MKNK1: variants seen among roughly 807,000 people sequenced by gnomAD.
The protein encoded by MKNK1 is MAPK interacting serine/threonine kinase 1, also known as MAP kinase-interacting serine/threonine-protein kinase 1.
Under a neutral mutation model 49.3 loss-of-function variants are expected in MKNK1, and 30 were observed. The ratio of observed to expected loss-of-function variants is 0.61; its 90% CI spans 0.46 to 0.83. The LOEUF (loss-of-function observed/expected upper bound fraction) is 0.83, where lower values mean the gene tolerates loss of function less well. MKNK1 is among the 40% of genes least tolerant of loss of function. The pLI is 0.00. For missense variants in MKNK1, 423 were observed against 524.7 expected (o/e 0.81, Z 1.89); for synonymous variants, 176 against 201.7 (o/e 0.87, Z 1.08).
At chr1:46,571,712 G>A (rs1275755749) in intron 7 of MKNK1, among the ~76,000 whole-genome samples, 1 of 152,150 alleles carries the variant, frequency 6.6e-6, no homozygotes, top group African/African-American at 2.4e-5. Context: ...GTTGTATTGT[G>A]TATGAGCTTT....
intron 6 of MKNK1, 102 bp downstream of exon 6, chr1:46,574,845 T>G (rs773985665): frequency 3.8e-6 from 3 of 781,394 alleles, no homozygotes; most frequent in Admixed American, 2.9e-5. Context: ...CTTCATCCTT[T>G]TTATTAGCTT....
chr1:46,568,734 G>C, intron 7 of MKNK1: 2 of 535,270 alleles, frequency 3.7e-6, no homozygotes, highest in Non-Finnish European at 6.7e-6. Flanking sequence ...GGATAAGAAG[G>C]GCTAAATGAA....
Position 46,572,075 on chromosome 1 carries a change from G to A in MKNK1, c.445C>T (p.Leu149=). ...VRDVAAALDF[L]HTKGIAHRDL... Reference sequence around the variant, plus strand: ...AGGCTGGGTTCACCTTTGGTATGCAGGAAGTCAAGGGCAGCAGCAACGTCC... The same window carrying A: ...AGGCTGGGTTCACCTTTGGTATGCAAGAAGTCAAGGGCAGCAGCAACGTCC... The change falls in exon 7 of 13, where the codon CTG becomes TTG. Residue 149 remains leucine, a synonymous_variant. Coordinates refer to ENST00000371945, the MANE Select transcript of MKNK1 (RefSeq NM_001135553.4). The A allele has an allele frequency of 6.2e-7, 1 of 1,614,082 alleles. No individual in the cohort carries two copies. Among genetic ancestry groups the A allele is most frequent in the South Asian group, 1.1e-5 (1 of 91,086 alleles).
At chr1:46,560,178 C>T in intron 12 of MKNK1, 56 bp downstream of exon 12, 1 of 1,599,906 alleles carries the variant, frequency 6.3e-7, no homozygotes, top group East Asian at 2.2e-5. Context: ...CCCCCACCCC[C>T]ATGGTGGCTG....
intron 10 of MKNK1, among the ~76,000 whole-genome samples, chr1:46,561,918 C>A (rs1668050664): frequency 6.6e-6 from 1 of 152,172 alleles, no homozygotes; most frequent in Admixed American, 6.5e-5. Flanking sequence ...GCCCAAATTC[C>A]TTGGCTCTTC....
At chr1:46,596,840 A>C (rs778274124) in intron 1 of MKNK1, among the ~76,000 whole-genome samples, 3 of 152,214 alleles carry the variant, frequency 2.0e-5, no homozygotes, top group Non-Finnish European at 4.4e-5. Context: ...CAATCTGTGA[A>C]CCACAGTTGG....
intron 11 of MKNK1, among the ~76,000 whole-genome samples, chr1:46,561,059 T>G (rs961167455): frequency 6.6e-6 from 1 of 152,212 alleles, no homozygotes; most frequent in Non-Finnish European, 1.5e-5. Flanking sequence ...GTACCCAGAC[T>G]CCCAGACCAT....
At chr1:46,568,309 A>G (rs1669453766) in intron 8 of MKNK1, 134 bp downstream of exon 8, 1 of 770,052 alleles carries the variant, frequency 1.3e-6, no homozygotes, top group African/African-American at 1.7e-5. Flanking sequence ...TAAGTGTAAC[A>G]TTCTCACATG....
chr1:46,564,470 T>TTTG (rs1668675640), intron 9 of MKNK1, among the ~76,000 whole-genome samples: 1 of 28,314 alleles, frequency 3.5e-5, no homozygotes, highest in Non-Finnish European at 1.8e-4. Context: ...TTTATTGTTT[T>TTTG]TTTTTTTTTT....
chr1:46,592,804 T>A (rs1673519640), intron 2 of MKNK1, among the ~76,000 whole-genome samples: 1 of 152,162 alleles, frequency 6.6e-6, no homozygotes, highest in Non-Finnish European at 1.5e-5. Context: ...CCCCACTGCC[T>A]AGCATGCAGC....
Position 46,561,554 on chromosome 1 carries a change from A to G in MKNK1, c.893T>C (p.Ile298Thr), listed in dbSNP as rs1431491555. The change falls in exon 11 of 13, where the codon ATC (isoleucine) becomes ACC (threonine). Residue 298 changes from isoleucine to threonine, a missense_variant. By Grantham distance (89) the Ile-to-Thr change is moderately conservative. Coordinates refer to ENST00000371945, the MANE Select transcript of MKNK1 (RefSeq NM_001135553.4). ...AHISSEAKDL[I>T]SKLLVRDAKQ... ...TGCATCTCGCACCAGGAGCTTGGAG[A>G]TGAGGTCTTTGGCTTCACTGGAGAT... 50 of 1,614,000 alleles carry G rather than the reference A, an allele frequency of 3.1e-5. No individual in the cohort carries two copies. In the Admixed American group the frequency reaches 8.3e-4, roughly 27 times the overall value.
chr1:46,597,395 G>A (rs554168525), intron 1 of MKNK1, among the ~76,000 whole-genome samples: 5 of 151,980 alleles, frequency 3.3e-5, no homozygotes, highest in Admixed American at 3.3e-4. Flanking sequence ...GTAAGGCTAA[G>A]GTTTATGGCA....
intron 8 of MKNK1, 77 bp from the exon 9 acceptor site, chr1:46,565,213 G>C: frequency 1.5e-6 from 2 of 1,329,022 alleles, no homozygotes; most frequent in Non-Finnish European, 2.2e-6. Context: ...GGCTGTACGG[G>C]TGCATGGCTC....
chr1:46,572,076 G>C lies in MKNK1; in HGVS notation c.444C>G (p.Phe148Leu). 6.2e-7 allele frequency: 1 copy of C among 1,614,082 alleles called. No individual in the cohort carries two copies. The highest frequency in any genetic ancestry group is 8.5e-7 in the Non-Finnish European group (1 of 1,179,956). The change falls in exon 7 of 13, where the codon TTC becomes TTG. Residue 148 changes from phenylalanine to leucine, a missense_variant. Physicochemically the swap from Phe to Leu is conservative, Grantham distance 22. Coordinates refer to ENST00000371945, the MANE Select transcript of MKNK1 (RefSeq NM_001135553.4). ...VVRDVAAALD[F>L]LHTKGIAHRD... ...GGCTGGGTTCACCTTTGGTATGCAG[G>C]AAGTCAAGGGCAGCAGCAACGTCCC...
chr1:46,588,679 C>A (rs1672920266), intron 2 of MKNK1, among the ~76,000 whole-genome samples: 1 of 151,938 alleles, frequency 6.6e-6, no homozygotes, highest in Non-Finnish European at 1.5e-5. Flanking sequence ...AGGTGGCGGG[C>A]GCCTGTAGTC....
chr1:46,598,890 C>T (rs2148775649), intron 1 of MKNK1, among the ~76,000 whole-genome samples: 1 of 152,304 alleles, frequency 6.6e-6, no homozygotes, highest in African/African-American at 2.4e-5. Context: ...CAAGCCAGGA[C>T]ATTAGCAAGA....
At chr1:46,569,707 C>A (rs1215640706) in intron 7 of MKNK1, 1 of 152,268 alleles carries the variant, frequency 6.6e-6, no homozygotes, top group South Asian at 2.1e-4. Context: ...TCATCAGTCA[C>A]CTAATTGAAC....
chr1:46,573,538 G>C lies in MKNK1; in HGVS notation c.353-1371C>G, dbSNP rs375859560. ...ATGGCACATGTCTACTGTTTTTTAG[G>C]GGGGATGGGGAGGGCATGAGAGAAG... is the stretch of plus-strand genomic sequence containing the variant. On this transcript the variant is annotated intron_variant, in intron 6 of 12. Transcript: ENST00000371945. 5.9e-5 allele frequency among the ~76,000 whole-genome samples: 9 copies of C among 152,052 alleles called. 1 individual carries two copies. Among genetic ancestry groups the C allele is most frequent in the Admixed American group, 4.6e-4 (7 of 15,258 alleles).
chr1:46,577,220 T>G (rs571949048), intron 4 of MKNK1, among the ~76,000 whole-genome samples: 1 of 152,198 alleles, frequency 6.6e-6, no homozygotes, highest in Non-Finnish European at 1.5e-5. Flanking sequence ...GACTCACACC[T>G]GTAATCCCAG....
Sources: allele counts gnomAD v4.1 joint callset (sites outside exome capture counted in the v4.1 genomes callset), GRCh38; gene constraint gnomAD v4.1.1; transcripts MANE v1.5; gene names NCBI Gene and HGNC (gene_info 2026-07-23, HGNC 2026-07-21).